Variants in RABGAP1L observed in about 807,000 individuals in gnomAD.
RABGAP1L encodes the protein RAB GTPase activating protein 1 like.
RABGAP1L carries 63 observed loss-of-function variants against 137.7 expected under a neutral mutation model. The observed-to-expected ratio is 0.46, with a 90% CI of 0.37 to 0.56. The LOEUF is 0.56. RABGAP1L is among the 20% of genes least tolerant of loss of function. The probability of loss-of-function intolerance (pLI) is 0.00; values close to 1 mark genes in which losing one functional copy is unlikely to be tolerated. For missense variants in RABGAP1L, 1,095 were observed against 1,244.0 expected, an observed-to-expected ratio of 0.88 and a Z score of 1.80; for synonymous variants, 431 against 433.7, an observed-to-expected ratio of 0.99 and a Z score of 0.08.
chr1:174,928,101 G>A (rs768292272), intron 19 of RABGAP1L, among the ~76,000 whole-genome samples: 1 of 152,122 alleles, frequency 6.6e-6, no homozygotes, highest in Non-Finnish European at 1.5e-5. Context: ...CTCCAGCCTT[G>A]CAGGCCCTTC....
chr1:174,610,297 C>T (rs1226539852), intron 13 of RABGAP1L, among the ~76,000 whole-genome samples: 1 of 146,890 alleles, frequency 6.8e-6, no homozygotes, highest in Non-Finnish European at 1.5e-5. Context: ...TGAGTGAGAA[C>T]ATGCAGTGTT....
At chr1:174,293,252 A>G (rs1018242380) in intron 10 of RABGAP1L, among the ~76,000 whole-genome samples, 1 of 152,116 alleles carries the variant, frequency 6.6e-6, no homozygotes, top group East Asian at 1.9e-4. Context: ...GTTTGTAAAG[A>G]AAATCTAAGG....
intron 4 of RABGAP1L, among the ~76,000 whole-genome samples, chr1:174,241,160 A>G (rs1671791898): frequency 6.6e-6 from 1 of 152,082 alleles, no homozygotes; most frequent in Admixed American, 6.6e-5. Flanking sequence ...TCTCTACAAG[A>G]AATACAAAAA....
Position 174,223,264 on chromosome 1 carries a change from TAAAA to T in RABGAP1L, c.331+2126_331+2129del, listed in dbSNP as rs550034492. On this transcript the variant is annotated intron_variant, in intron 3 of 25. Transcript: ENST00000681986. ...GCCTGCGTGACAGTGAGACTCTGTC[TAAAA>T]AAAAAAAAAAAAAAAAAAAAAAAAA... Among the ~76,000 whole-genome samples the T allele has an allele frequency of 1.5e-4, 6 of 39,900 alleles. No individual in the cohort carries two copies. In the South Asian group the frequency reaches 0.011, roughly 73 times the overall value. The allele number at this position is 39,900 out of a possible 152,430, so 26.2% of individuals were successfully genotyped here.
intron 11 of RABGAP1L, among the ~76,000 whole-genome samples, chr1:174,328,000 T>TATATATATATATATATATATATAC (rs1680679973): frequency 8.6e-5 from 9 of 104,182 alleles, no homozygotes; most frequent in Non-Finnish European, 1.5e-4. Context: ...TATATATATA[T>TATATATATATATATATATATATAC]ATATATATAT....
At chr1:174,893,154 A>G (rs914895340) in intron 19 of RABGAP1L, 5 of 223,198 alleles carry the variant, frequency 2.2e-5, no homozygotes, top group Admixed American at 2.2e-4. Flanking sequence ...ACTGCTTTAT[A>G]CTGATATTAG....
At chr1:174,777,867 A>T (rs1686656394) in intron 18 of RABGAP1L, among the ~76,000 whole-genome samples, 1 of 152,162 alleles carries the variant, frequency 6.6e-6, no homozygotes, top group African/African-American at 2.4e-5. Context: ...AAGCAAATTT[A>T]AAAAAAGGCA....
intron 15 of RABGAP1L, among the ~76,000 whole-genome samples, chr1:174,694,660 A>G (rs1679117552): frequency 6.6e-6 from 1 of 151,838 alleles, no homozygotes. Context: ...CAATAAACAT[A>G]CGTGTGTATG....
At chr1:174,827,480 A>G (rs759236826) in intron 19 of RABGAP1L, among the ~76,000 whole-genome samples, 1 of 121,054 alleles carries the variant, frequency 8.3e-6, no homozygotes, top group Non-Finnish European at 1.9e-5. Context: ...TCACCCCATA[A>G]CAGTGTTGTT....
chr1:174,211,749 A>G (rs185667141), intron 1 of RABGAP1L, among the ~76,000 whole-genome samples: 59 of 152,294 alleles, frequency 3.9e-4, no homozygotes, highest in African/African-American at 1.4e-3. Flanking sequence ...CTTTACCTGT[A>G]AAGACACACA....
intron 19 of RABGAP1L, among the ~76,000 whole-genome samples, chr1:174,873,215 C>T (rs1276776712): frequency 5.9e-5 from 9 of 151,924 alleles, no homozygotes; most frequent in Admixed American, 5.3e-4. Flanking sequence ...ACTACAGGCA[C>T]ACACCACCAT....
intron 11 of RABGAP1L, among the ~76,000 whole-genome samples, chr1:174,319,589 G>T (rs1001892933): frequency 4.6e-5 from 7 of 152,074 alleles, no homozygotes; most frequent in African/African-American, 1.7e-4. Flanking sequence ...ATGCTCAATA[G>T]GAATGGTGAG....
rs760821658 is a variant in RABGAP1L at position 174,633,915 on chromosome 1, TA to T, written c.1711-3456del. Among the ~76,000 whole-genome samples the T allele has an allele frequency of 8.2e-3, 747 of 91,458 alleles. 2 individuals are homozygous for T. Among genetic ancestry groups the T allele is most frequent in the Middle Eastern group, 0.044 (9 of 206 alleles). The allele number at this position is 91,458 out of a possible 152,430, so 60.0% of individuals were successfully genotyped here. ...GGATTAAAGATTTAAACGTTAGACC[TA>T]AAACCATAAAAACCCTAGAAGAAAA... is the stretch of plus-strand genomic sequence containing the variant. On this transcript the variant is annotated intron_variant, in intron 13 of 25. Coordinates refer to ENST00000681986, the MANE Select transcript of RABGAP1L (RefSeq NM_001366446.1).
intron 11 of RABGAP1L, among the ~76,000 whole-genome samples, chr1:174,350,574 G>A (rs1683063072): frequency 8.2e-6 from 1 of 121,758 alleles, no homozygotes; most frequent in Non-Finnish European, 1.7e-5. Context: ...AGATGGGATG[G>A]CGGCCGGGCA....
In RABGAP1L at chr1:174,976,217, A is replaced by G. The variant is rs774026783; in HGVS notation, c.2649+35A>G. 2.3e-5 allele frequency: 34 copies of G among 1,472,850 alleles called. No individual in the cohort carries two copies. In the African/African-American group the frequency reaches 3.8e-4, roughly 16 times the overall value. 91.2% of individuals were successfully genotyped at this position (1,472,850 alleles called of 1,614,324 possible). A position where few individuals can be genotyped will look rare whatever the true frequency, so the allele number is the denominator to read the frequency against. ...ATAATATGTAGGCTTTTCTTTACAA[A>G]GGTATGTTGGTAGGGAATTAACACT... On this transcript the variant is annotated intron_variant, in intron 22 of 25. Transcript: ENST00000681986.
At chr1:174,371,221 T>C (rs1376601296) in intron 12 of RABGAP1L, 149 bp downstream of exon 12, 1 of 359,212 alleles carries the variant, frequency 2.8e-6, no homozygotes, top group Non-Finnish European at 4.9e-6. Flanking sequence ...ACTTAAAAAT[T>C]AAAATATAAT....
chr1:174,667,917 A>G (rs1347343459), intron 14 of RABGAP1L, among the ~76,000 whole-genome samples: 1 of 152,166 alleles, frequency 6.6e-6, no homozygotes, highest in Non-Finnish European at 1.5e-5. Flanking sequence ...TTGATATACG[A>G]TAGGTGCTCA....
intron 5 of RABGAP1L, among the ~76,000 whole-genome samples, chr1:174,247,654 C>G (rs147686303): frequency 2.0e-5 from 3 of 152,212 alleles, no homozygotes; most frequent in African/African-American, 7.2e-5. Context: ...CATATCCTTG[C>G]GTGTGGAGAG....
chr1:174,448,588 A>G lies in RABGAP1L; in HGVS notation c.1710+54443A>G, dbSNP rs777938936. The G allele has an allele frequency of 1.2e-6, 2 of 1,613,990 alleles. No individual in the cohort carries two copies. Among genetic ancestry groups the G allele is most frequent in the South Asian group, 1.1e-5 (1 of 91,062 alleles). On this transcript the variant is annotated intron_variant, in intron 13 of 25. Coordinates refer to ENST00000681986, the MANE Select transcript of RABGAP1L (RefSeq NM_001366446.1). This position sits in a 1 kb window ranked among gnomAD's most constrained non-coding sequence, Gnocchi z 4.2. ...AACTGGTCACCCCTTGTCGCTTGAGAATTTGCATTATTTTGATCTGGATCT... is the reference window on the plus strand; with the variant it reads ...AACTGGTCACCCCTTGTCGCTTGAGGATTTGCATTATTTTGATCTGGATCT...
Sources: gnomAD v4.1 joint callset for allele counts (sites outside exome capture counted in the v4.1 genomes callset) on GRCh38, gnomAD v4.1.1 for gene constraint, Gnocchi (gnomAD v3.1) non-coding constraint, MANE v1.5 for transcripts, NCBI Gene and HGNC (gene_info 2026-07-23, HGNC 2026-07-21) for gene names.